The following SUSD5 variants were observed in gnomAD, a reference collection of about 807,000 sequenced individuals.
SUSD5 encodes the protein sushi domain containing 5.
In SUSD5, 33 loss-of-function variants were observed where a neutral mutation model predicts 29.5. That is an observed-to-expected ratio of 1.12 (90% CI 0.85 to 1.49). The LOEUF (loss-of-function observed/expected upper bound fraction) is 1.49. Among genes scored for constraint, SUSD5 ranks in the 40% most tolerant of loss-of-function variants. The probability of loss-of-function intolerance (pLI) is 0.00; values close to 1 mark genes in which losing one functional copy is unlikely to be tolerated. For missense variants in SUSD5, 776 were observed against 800.6 expected (o/e 0.97, Z 0.37); for synonymous variants, 308 against 325.3 (o/e 0.95, Z 0.57).
intron 3 of SUSD5, among the ~76,000 whole-genome samples, chr3:33,194,640 A>T (rs1283444952): frequency 6.6e-6 from 1 of 152,192 alleles, no homozygotes; most frequent in Non-Finnish European, 1.5e-5. Flanking sequence ...CCACAGAGAA[A>T]CTACCAGTAG....
intron 1 of SUSD5, among the ~76,000 whole-genome samples, chr3:33,216,546 T>C (rs1329167556): frequency 1.3e-5 from 2 of 152,216 alleles, no homozygotes; most frequent in Admixed American, 6.5e-5. Context: ...TTCATAAACA[T>C]AGATTCAATA....
chr3:33,152,419 CAAA>C lies in SUSD5; in HGVS notation c.*320_*322del. 1 of 222,166 alleles carries C rather than the reference CAAA, an allele frequency of 4.5e-6. No individual in the cohort carries two copies. Among genetic ancestry groups the C allele is most frequent in the Non-Finnish European group, 8.6e-6 (1 of 115,944 alleles). 13.8% of individuals were successfully genotyped at this position (222,166 alleles called of 1,614,324 possible). A position where few individuals can be genotyped will look rare whatever the true frequency, so the allele number is the denominator to read the frequency against. On this transcript the variant is annotated 3_prime_UTR_variant, in exon 5 of 5. Coordinates refer to ENST00000309558, the MANE Select transcript of SUSD5 (RefSeq NM_015551.2). ...TGGGCAACAGCATGAGACTCTGTCT[CAAA>C]AAAAAAAAGATAATACTGTGATGAA...
At chr3:33,186,270 C>A (rs1218267964) in intron 3 of SUSD5, among the ~76,000 whole-genome samples, 6 of 151,470 alleles carry the variant, frequency 4.0e-5, no homozygotes, top group Non-Finnish European at 5.9e-5. Context: ...CCACTGCACT[C>A]CAGCCTGGGT....
At chr3:33,185,560 C>A (rs1421918113) in intron 3 of SUSD5, among the ~76,000 whole-genome samples, 2 of 152,154 alleles carry the variant, frequency 1.3e-5, no homozygotes, top group Non-Finnish European at 2.9e-5. Flanking sequence ...TTACCTGTTT[C>A]TCCAATTCTA....
At chr3:33,212,994 A>G (rs1438058847) in intron 2 of SUSD5, among the ~76,000 whole-genome samples, 2 of 152,258 alleles carry the variant, frequency 1.3e-5, no homozygotes, top group Non-Finnish European at 2.9e-5. Flanking sequence ...AATGTATACC[A>G]AACAATTAAT....
intron 4 of SUSD5, among the ~76,000 whole-genome samples, chr3:33,158,156 CT>C (rs2031096441): frequency 6.6e-6 from 1 of 152,250 alleles, no homozygotes; most frequent in Non-Finnish European, 1.5e-5. Context: ...TACCTTAAAA[CT>C]GTTCAGCACT....
intron 3 of SUSD5, among the ~76,000 whole-genome samples, chr3:33,188,990 T>C (rs2031832980): frequency 6.6e-6 from 1 of 152,232 alleles, no homozygotes; most frequent in African/African-American, 2.4e-5. Context: ...CAATGGATAC[T>C]TCATGCCTTA....
chr3:33,210,604 CT>C (rs113551700), intron 2 of SUSD5, among the ~76,000 whole-genome samples: 6 of 152,304 alleles, frequency 3.9e-5, no homozygotes, highest in African/African-American at 1.4e-4. Flanking sequence ...TAGATGTCTA[CT>C]ATGCCATCAA....
chr3:33,201,236 T>C (rs2032111326), intron 3 of SUSD5, among the ~76,000 whole-genome samples: 1 of 152,198 alleles, frequency 6.6e-6, no homozygotes, highest in Non-Finnish European at 1.5e-5. Flanking sequence ...AGAATAAAGT[T>C]GTCCCTGAGT....
intron 3 of SUSD5, among the ~76,000 whole-genome samples, chr3:33,180,407 T>C (rs950581803): frequency 6.6e-6 from 1 of 152,212 alleles, no homozygotes; most frequent in Non-Finnish European, 1.5e-5. Context: ...GTCACTCACG[T>C]TGGAGTGCAG....
In SUSD5 at chr3:33,153,107, G is replaced by A; in HGVS notation, c.1525C>T (p.His509Tyr). The change falls in exon 5 of 5, where the codon CAC (histidine) becomes TAC (tyrosine). Residue 509 changes from histidine (H) to tyrosine (Y), a missense_variant. By Grantham distance (83) the His-to-Tyr change is moderately conservative (BLOSUM62 2). Coordinates refer to ENST00000309558, the MANE Select transcript of SUSD5 (RefSeq NM_015551.2). The part of the protein sequence containing the change: ...TVNTVKQTPN[H>Y]IPSTIMATTQ... ...GTTGCCATGATCGTTGAGGGGATGT[G>A]GTTAGGTGTCTGCTTGACAGTGTTC... 6.2e-7 allele frequency: 1 copy of A among 1,613,924 alleles called. No homozygotes were observed. Among genetic ancestry groups the A allele is most frequent in the South Asian group, 1.1e-5 (1 of 91,066 alleles).
chr3:33,156,143 C>T (rs55792558), intron 4 of SUSD5, among the ~76,000 whole-genome samples: 5,790 of 151,638 alleles, frequency 0.038, 372 homozygotes, highest in African/African-American at 0.13. Context: ...CGGGTTCAAG[C>T]GATTCTCCTG....
chr3:33,157,010 A>G (rs143086081), intron 4 of SUSD5, among the ~76,000 whole-genome samples: 1 of 152,268 alleles, frequency 6.6e-6, no homozygotes, highest in African/African-American at 2.4e-5. Context: ...TGTTCATAAA[A>G]CCTCACACAA....
rs1322182869 is a variant in SUSD5 at position 33,153,768 on chromosome 3, C to T, written c.864G>A (p.Leu288=). ...GAAACCAGAACAAGTGCTTCTGGAG[C>T]AGCCGTGATCCTGGTGAATCTGCGG... The part of the protein sequence containing the change: ...SVPADSPGSR[L]LQKHLFWFPA... Residue 288 remains leucine, a synonymous_variant, in exon 5 of 5, where the codon CTG becomes CTA. Transcript: ENST00000309558. The T allele has an allele frequency of 6.2e-7, 1 of 1,614,050 alleles. No homozygotes were observed.
intron 3 of SUSD5, among the ~76,000 whole-genome samples, chr3:33,179,796 CTAATTTTTAT>C (rs1407769301): frequency 6.6e-6 from 1 of 152,156 alleles, no homozygotes; most frequent in Non-Finnish European, 1.5e-5. Flanking sequence ...GATTTCTACT[CTAATTTTTAT>C]TACAGTCATG....
intron 4 of SUSD5, among the ~76,000 whole-genome samples, chr3:33,163,807 C>T (rs2031244150): frequency 1.3e-5 from 2 of 152,150 alleles, no homozygotes; most frequent in Admixed American, 1.3e-4. Context: ...ACCATCCTGG[C>T]TAACACAGTG....
Position 33,152,722 on chromosome 3 carries a change from A to G in SUSD5, c.*20T>C, listed in dbSNP as rs1258298611. On this transcript the variant is annotated 3_prime_UTR_variant, in exon 5 of 5. Coordinates refer to ENST00000309558, the MANE Select transcript of SUSD5 (RefSeq NM_015551.2). Reference sequence around the variant, plus strand: ...TATTTTCCTCCCAAGTGGCTTTGGGAGAACCCACTCCAAAGGTGCCTAGAC... The same window carrying G: ...TATTTTCCTCCCAAGTGGCTTTGGGGGAACCCACTCCAAAGGTGCCTAGAC... 1.9e-6 allele frequency: 3 copies of G among 1,575,230 alleles called. No individual in the cohort carries two copies. Among genetic ancestry groups the G allele is most frequent in the African/African-American group, 2.7e-5 (2 of 73,782 alleles).
chr3:33,191,455 T>C (rs575864904), intron 3 of SUSD5, among the ~76,000 whole-genome samples: 1 of 152,214 alleles, frequency 6.6e-6, no homozygotes, highest in South Asian at 2.1e-4. Flanking sequence ...TCCCTGTTGA[T>C]CTGTCTGTTG....
At chr3:33,209,165 G>C (rs1294749349) in intron 2 of SUSD5, among the ~76,000 whole-genome samples, 2 of 152,056 alleles carry the variant, frequency 1.3e-5, no homozygotes, top group African/African-American at 4.8e-5. Flanking sequence ...TCAGTTTATT[G>C]TTGCTCCTTT....
Sources: allele counts gnomAD v4.1 joint callset (sites outside exome capture counted in the v4.1 genomes callset), GRCh38; gene constraint gnomAD v4.1.1; transcripts MANE v1.5; gene names NCBI Gene and HGNC (gene_info 2026-07-23, HGNC 2026-07-21).